The following ADAM23 variants were observed in gnomAD, a reference collection of about 807,000 sequenced individuals.
ADAM23 encodes the protein disintegrin and metalloproteinase domain-containing protein 23.
In ADAM23, 33 loss-of-function variants were observed where a neutral mutation model predicts 120.1. The observed-to-expected ratio is 0.27, with a 90% CI of 0.21 to 0.37. ADAM23 has a LOEUF of 0.37. ADAM23 is among the 10% of genes least tolerant of loss of function. The probability of loss-of-function intolerance (pLI) is 1.00; values close to 1 mark genes in which losing one functional copy is unlikely to be tolerated. For synonymous variants in ADAM23, 367 were observed against 375.2 expected (o/e 0.98, Z 0.25); for missense variants, 862 against 1,058.2 (o/e 0.81, Z 2.57).
chr2:206,541,914 A>G (rs912938967), intron 4 of ADAM23, 138 bp from the exon 5 acceptor site: 3 of 806,616 alleles, frequency 3.7e-6, no homozygotes, highest in African/African-American at 3.4e-5. Context: ...TTGCAACTTT[A>G]TATAGGAGGA....
chr2:206,550,893 GC>G (rs1332221363), intron 9 of ADAM23, among the ~76,000 whole-genome samples: 1 of 152,174 alleles, frequency 6.6e-6, no homozygotes, highest in Non-Finnish European at 1.5e-5. Context: ...GAGCCACCGC[GC>G]CCGGCGACTT....
chr2:206,469,702 G>A (rs768948959), intron 2 of ADAM23, among the ~76,000 whole-genome samples: 12 of 152,138 alleles, frequency 7.9e-5, no homozygotes, highest in Non-Finnish European at 1.8e-4. Context: ...CACAATTGAC[G>A]CCTCATTGGT....
intron 7 of ADAM23, among the ~76,000 whole-genome samples, chr2:206,547,967 C>CA (rs1198312979): frequency 6.6e-6 from 1 of 151,716 alleles, no homozygotes; most frequent in Admixed American, 6.6e-5. Context: ...TAATGCCATA[C>CA]ATTATTTTGA....
intron 3 of ADAM23, among the ~76,000 whole-genome samples, chr2:206,503,689 A>G (rs539702862): frequency 6.6e-6 from 1 of 152,146 alleles, no homozygotes; most frequent in African/African-American, 2.4e-5. Flanking sequence ...GGCAAAGTAT[A>G]CTTTCTATTA....
intron 2 of ADAM23, among the ~76,000 whole-genome samples, chr2:206,450,650 G>A (rs1490257625): frequency 6.6e-6 from 1 of 152,138 alleles, no homozygotes; most frequent in African/African-American, 2.4e-5. Flanking sequence ...ACCTAAAGTA[G>A]CAAAAATGCC....
intron 4 of ADAM23, among the ~76,000 whole-genome samples, chr2:206,532,200 C>T (rs1287275327): frequency 6.6e-6 from 1 of 152,138 alleles, no homozygotes; most frequent in African/African-American, 2.4e-5. Flanking sequence ...GCCCTGAGCA[C>T]TGCAGATGCT....
intron 2 of ADAM23, among the ~76,000 whole-genome samples, chr2:206,455,105 GCTC>G: frequency 6.6e-6 from 1 of 152,234 alleles, no homozygotes; most frequent in Non-Finnish European, 1.5e-5. Flanking sequence ...CTCCATGGGG[GCTC>G]TGCCCCTGCA....
intron 23 of ADAM23, 69 bp from the exon 24 acceptor site, chr2:206,595,982 T>C: frequency 1.6e-6 from 2 of 1,284,646 alleles, no homozygotes; most frequent in Non-Finnish European, 2.2e-6. Context: ...CCCGTGTCTC[T>C]TTTACATTTA....
At chr2:206,575,067 G>T (rs1698085514) in intron 18 of ADAM23, among the ~76,000 whole-genome samples, 1 of 152,084 alleles carries the variant, frequency 6.6e-6, no homozygotes, top group African/African-American at 2.4e-5. Flanking sequence ...AAGAGTATAG[G>T]GTAGGATGTG....
Position 206,443,982 on chromosome 2 carries a change from C to T in ADAM23, c.116C>T (p.Ala39Val). 2.9e-6 allele frequency: 4 copies of T among 1,377,012 alleles called. No individual in the cohort carries two copies. The highest frequency in any genetic ancestry group is 3.3e-5 in the South Asian group (2 of 60,296). 85.3% of individuals were successfully genotyped at this position (1,377,012 alleles called of 1,614,324 possible). Residue 39 changes from alanine (A) to valine (V), a missense_variant, in exon 1 of 26, where the codon GCC becomes GTC. Coordinates refer to ENST00000264377, the MANE Select transcript of ADAM23 (RefSeq NM_003812.4). Reference protein sequence around the residue: ...PAGSVPASAPARTPPCRLLLV... With the variant: ...PAGSVPASAPVRTPPCRLLLV... ...GGCTCGGTGCCTGCCAGCGCCCCGG[C>T]CCGCACGCCGCCCTGCCGCCTGCTT...
rs555985980 is a variant in ADAM23 at position 206,449,259 on chromosome 2, G to A, written c.432+3735G>A. Reference sequence around the variant, plus strand: ...TCTTACTTTGTTATCAAGATCGATCGTTTTCACTTGTGGAGACTTTTATGG... The same window carrying A: ...TCTTACTTTGTTATCAAGATCGATCATTTTCACTTGTGGAGACTTTTATGG... On this transcript the variant is annotated intron_variant, in intron 2 of 25. Transcript: ENST00000264377. Among the ~76,000 whole-genome samples, 10 of 152,242 alleles carry A rather than the reference G, an allele frequency of 6.6e-5. 1 individual carries two copies. Among genetic ancestry groups the A allele is most frequent in the African/African-American group, 1.4e-4 (6 of 41,550 alleles).
chr2:206,581,191 T>TTTG (rs911725088), intron 18 of ADAM23, among the ~76,000 whole-genome samples: 3 of 152,292 alleles, frequency 2.0e-5, no homozygotes, highest in Admixed American at 6.5e-5. Flanking sequence ...TCTTATGTAT[T>TTTG]TTGTTGTTGT....
intron 1 of ADAM23, 22 bp downstream of exon 1, chr2:206,444,102 T>A: frequency 2.4e-6 from 3 of 1,271,686 alleles, no homozygotes; most frequent in Non-Finnish European, 3.0e-6. Context: ...CCCGTGCCCT[T>A]TGCGTTGGCT....
chr2:206,520,971 C>G (rs1453838306), intron 3 of ADAM23, among the ~76,000 whole-genome samples: 2 of 151,984 alleles, frequency 1.3e-5, no homozygotes, highest in Non-Finnish European at 2.9e-5. Flanking sequence ...TTTCCTGTTT[C>G]ATGGATTTGT....
chr2:206,485,497 A>G (rs188227181), intron 3 of ADAM23, among the ~76,000 whole-genome samples: 3 of 152,230 alleles, frequency 2.0e-5, no homozygotes, highest in Non-Finnish European at 4.4e-5. Flanking sequence ...GGTGGTGACC[A>G]TAGAATCTTC....
At chr2:206,585,778 G>C (rs1290228147) in intron 18 of ADAM23, among the ~76,000 whole-genome samples, 1 of 151,712 alleles carries the variant, frequency 6.6e-6, no homozygotes, top group Non-Finnish European at 1.5e-5. Flanking sequence ...AAACAAGTAA[G>C]TAAAACTTAT....
At chr2:206,463,056 G>C (rs1433682064) in intron 2 of ADAM23, among the ~76,000 whole-genome samples, 2 of 152,186 alleles carry the variant, frequency 1.3e-5, no homozygotes, top group Non-Finnish European at 2.9e-5. Flanking sequence ...GATGCAAGTA[G>C]ATTTGGGATA....
At chr2:206,606,394 T>G (rs546395665) in intron 24 of ADAM23, 7 of 152,362 alleles carry the variant, frequency 4.6e-5, no homozygotes, top group African/African-American at 1.2e-4. Context: ...CAGCTTAATT[T>G]TTTAAAAAGA....
intron 3 of ADAM23, among the ~76,000 whole-genome samples, chr2:206,508,216 A>C (rs1250140893): frequency 6.6e-6 from 1 of 152,050 alleles, no homozygotes; most frequent in East Asian, 1.9e-4. Flanking sequence ...TTTTTAGTAG[A>C]GACGGGGTTT....
Sources: gnomAD v4.1 joint callset for allele counts (sites outside exome capture counted in the v4.1 genomes callset) on GRCh38, gnomAD v4.1.1 for gene constraint, MANE v1.5 for transcripts, NCBI Gene and HGNC (gene_info 2026-07-23, HGNC 2026-07-21) for gene names.